ATF7IP2: variants seen among roughly 807,000 people sequenced by gnomAD.
ATF7IP2 encodes the protein activating transcription factor 7 interacting protein 2, also known as activating transcription factor 7-interacting protein 2.
Under a neutral mutation model 64.2 loss-of-function variants are expected in ATF7IP2, and 42 were observed. The ratio of observed to expected loss-of-function variants is 0.65; its 90% CI spans 0.51 to 0.85. ATF7IP2 has a LOEUF of 0.85. Ranked by LOEUF, ATF7IP2 falls within the 40% of genes least tolerant of loss-of-function variation. The pLI, the probability that ATF7IP2 is intolerant of heterozygous loss-of-function variation, is 0.00. For missense variants in ATF7IP2, 933 were observed against 784.2 expected, an observed-to-expected ratio of 1.19 and a Z score of -2.27; for synonymous variants, 308 against 272.8, an observed-to-expected ratio of 1.13 and a Z score of -1.27.
chr16:10,467,010 G>A (rs1004924990), intron 9 of ATF7IP2, among the ~76,000 whole-genome samples: 2 of 151,814 alleles, frequency 1.3e-5, no homozygotes, highest in Admixed American at 6.6e-5. Context: ...TGTTGAGGCT[G>A]TAAGTGATAT....
At chr16:10,453,638 A>G (rs1013505334) in intron 8 of ATF7IP2, among the ~76,000 whole-genome samples, 3 of 152,116 alleles carry the variant, frequency 2.0e-5, no homozygotes, top group Non-Finnish European at 2.9e-5. Context: ...TTTTTTTGAG[A>G]TGGAGTTTCA....
chr16:10,404,411 C>G (rs1246820205), intron 1 of ATF7IP2, among the ~76,000 whole-genome samples: 1 of 152,140 alleles, frequency 6.6e-6, no homozygotes, highest in Non-Finnish European at 1.5e-5. Context: ...TGCCCCCAGA[C>G]TCTGCTGATT....
chr16:10,449,656 C>G (rs1410898925), intron 8 of ATF7IP2: 5 of 152,076 alleles, frequency 3.3e-5, no homozygotes, highest in Admixed American at 2.6e-4. Context: ...GTGATATCCC[C>G]TTTATGATTT....
chr16:10,401,664 A>T (rs2047538389), intron 1 of ATF7IP2, among the ~76,000 whole-genome samples: 1 of 151,076 alleles, frequency 6.6e-6, no homozygotes, highest in Admixed American at 6.6e-5. Context: ...CTTTTTTTTG[A>T]ATAGTTTCAA....
In ATF7IP2 at chr16:10,394,591, A is replaced by G. The variant is rs2047388726; in HGVS notation, c.-242+8469A>G. On this transcript the variant is annotated intron_variant, in intron 1 of 13. Transcript: ENST00000562102. ...GAATAGACTTTTGGAGTGTATGTAGAACATCCATCAATATAGTCACACTAG... is the reference window on the plus strand; with the variant it reads ...GAATAGACTTTTGGAGTGTATGTAGGACATCCATCAATATAGTCACACTAG... 2.6e-5 allele frequency among the ~76,000 whole-genome samples: 4 copies of G among 152,224 alleles called. No homozygotes were observed. The South Asian group carries it at 8.3e-4, about 31-fold the overall frequency.
chr16:10,421,145 T>C (rs572493108), intron 3 of ATF7IP2, among the ~76,000 whole-genome samples: 12 of 152,288 alleles, frequency 7.9e-5, no homozygotes, highest in Admixed American at 3.9e-4. Flanking sequence ...AATTTAACAA[T>C]CTGAGTTCTC....
In ATF7IP2 at chr16:10,433,752, C is replaced by T. The variant is rs1273745763; in HGVS notation, c.960+103C>T. ...AGTGGCATAATACAGACGACTTTCA[C>T]TTGCTGCAGAGCTGGTGTGTGAAAG... On this transcript the variant is annotated intron_variant, in intron 6 of 13. Coordinates refer to ENST00000562102, the MANE Select transcript of ATF7IP2 (RefSeq NM_001393719.1). The T allele has an allele frequency of 5.2e-6, 7 of 1,341,222 alleles. No individual in the cohort carries two copies. The East Asian group carries it at 9.6e-5, about 18-fold the overall frequency. The allele number at this position is 1,341,222 out of a possible 1,614,324, so 83.1% of individuals were successfully genotyped here. A position where few individuals can be genotyped will look rare whatever the true frequency, so the allele number is the denominator to read the frequency against.
intron 1 of ATF7IP2, among the ~76,000 whole-genome samples, chr16:10,402,505 C>T (rs1567428103): frequency 1.3e-5 from 2 of 152,128 alleles, no homozygotes; most frequent in Non-Finnish European, 2.9e-5. Flanking sequence ...CTCTGTCACC[C>T]AGGCTGGAGT....
At chr16:10,393,875 T>C (rs747062673) in intron 1 of ATF7IP2, among the ~76,000 whole-genome samples, 4 of 152,114 alleles carry the variant, frequency 2.6e-5, no homozygotes, top group Non-Finnish European at 5.9e-5. Flanking sequence ...ACCTTGTCTC[T>C]ACAAAAAAAT....
intron 9 of ATF7IP2, among the ~76,000 whole-genome samples, chr16:10,460,004 G>A (rs2049320593): frequency 6.6e-6 from 1 of 152,088 alleles, no homozygotes; most frequent in Non-Finnish European, 1.5e-5. Context: ...ACTATTTTGG[G>A]GTGATTGGGG....
intron 1 of ATF7IP2, among the ~76,000 whole-genome samples, chr16:10,390,809 G>GA (rs937961914): frequency 6.6e-6 from 1 of 152,012 alleles, no homozygotes; most frequent in Non-Finnish European, 1.5e-5. Flanking sequence ...AAGAGAGACT[G>GA]AAAAAATATC....
At chr16:10,408,221 T>C (rs2047682374) in intron 1 of ATF7IP2, among the ~76,000 whole-genome samples, 1 of 152,182 alleles carries the variant, frequency 6.6e-6, no homozygotes, top group African/African-American at 2.4e-5. Flanking sequence ...ATATCACAAT[T>C]TCTTTATGCA....
intron 2 of ATF7IP2, among the ~76,000 whole-genome samples, chr16:10,418,269 C>T (rs2047918448): frequency 6.6e-6 from 1 of 152,166 alleles, no homozygotes; most frequent in South Asian, 2.1e-4. Flanking sequence ...CCAGGTGGGC[C>T]AGGTGTTCCT....
intron 1 of ATF7IP2, among the ~76,000 whole-genome samples, chr16:10,391,894 TA>T (rs75981824): frequency 1.6e-3 from 225 of 137,302 alleles, no homozygotes; most frequent in Non-Finnish European, 1.6e-3. Flanking sequence ...AGATTCTGTT[TA>T]AAAAAAAAAA....
chr16:10,424,342 CCT>C (rs2048043435), intron 3 of ATF7IP2, among the ~76,000 whole-genome samples: 2 of 152,060 alleles, frequency 1.3e-5, no homozygotes, highest in African/African-American at 2.4e-5. Flanking sequence ...CCAACAGACC[CCT>C]ATCTCTCACC....
intron 1 of ATF7IP2, among the ~76,000 whole-genome samples, chr16:10,402,475 C>A (rs146333143): frequency 2.6e-5 from 4 of 151,860 alleles, no homozygotes; most frequent in East Asian, 3.9e-4. Context: ...TGGTTTGTTT[C>A]GTTTTGAGAC....
intron 10 of ATF7IP2, among the ~76,000 whole-genome samples, chr16:10,473,035 T>C (rs2049863771): frequency 6.6e-6 from 1 of 152,204 alleles, no homozygotes; most frequent in Non-Finnish European, 1.5e-5. Flanking sequence ...ACTTAATAGC[T>C]ACTTAATTGT....
chr16:10,476,238 A>C (rs1237864290), intron 12 of ATF7IP2, among the ~76,000 whole-genome samples: 2 of 152,222 alleles, frequency 1.3e-5, no homozygotes. Context: ...TTTTGTAAAA[A>C]TACCAGTAAA....
At chr16:10,464,817 G>A (rs1191711975) in intron 9 of ATF7IP2, among the ~76,000 whole-genome samples, 1 of 152,092 alleles carries the variant, frequency 6.6e-6, no homozygotes, top group East Asian at 1.9e-4. Context: ...TCATTCTTTT[G>A]TTGCTGCTGT....
Sources: gnomAD v4.1 joint callset for allele counts (sites outside exome capture counted in the v4.1 genomes callset) on GRCh38, gnomAD v4.1.1 for gene constraint, MANE v1.5 for transcripts, NCBI Gene and HGNC (gene_info 2026-07-23, HGNC 2026-07-21) for gene names.